PRDM16: variants seen among roughly 807,000 people sequenced by gnomAD.
The protein encoded by PRDM16 is histone-lysine N-methyltransferase PRDM16.
In PRDM16, 23 loss-of-function variants were observed where a neutral mutation model predicts 110.6. The ratio of observed to expected loss-of-function variants is 0.21; its 90% CI spans 0.15 to 0.29. The LOEUF is 0.29. PRDM16 is among the 10% of genes least tolerant of loss of function. The probability of loss-of-function intolerance (pLI) is 1.00; values close to 1 mark genes in which losing one functional copy is unlikely to be tolerated. For missense variants in PRDM16, 1,615 were observed against 1,794.3 expected, an observed-to-expected ratio of 0.90 and a Z score of 1.81; for synonymous variants, 799 against 781.8, an observed-to-expected ratio of 1.02 and a Z score of -0.37.
At chr1:3,225,901 G>A (rs1639278957) in intron 2 of PRDM16, among the ~76,000 whole-genome samples, 1 of 152,240 alleles carries the variant, frequency 6.6e-6, no homozygotes, top group African/African-American at 2.4e-5. Context: ...ATGCTCCAAT[G>A]CAAGGCCATC....
rs1188315582 is a variant in PRDM16 at position 3,256,636 on chromosome 1, A to T, written c.438+12499A>T. On this transcript the variant is annotated intron_variant, in intron 3 of 16. Coordinates refer to ENST00000270722, the MANE Select transcript of PRDM16 (RefSeq NM_022114.4). Reference sequence around the variant, plus strand: ...CACTTTGGGAGGCCGAGGCAGGCGGATCATGAGGTCAGGAGATCAAGACCA... The same window carrying T: ...CACTTTGGGAGGCCGAGGCAGGCGGTTCATGAGGTCAGGAGATCAAGACCA... 5.3e-5 allele frequency among the ~76,000 whole-genome samples: 8 copies of T among 152,134 alleles called. No homozygotes were observed. In the East Asian group the frequency reaches 1.5e-3, roughly 29 times the overall value.
intron 1 of PRDM16, among the ~76,000 whole-genome samples, chr1:3,141,929 C>T (rs574454369): frequency 2.0e-5 from 3 of 152,366 alleles, no homozygotes; most frequent in Non-Finnish European, 2.9e-5. Context: ...GGATTTTTAC[C>T]TTTTCTGGCC....
intron 1 of PRDM16, among the ~76,000 whole-genome samples, chr1:3,149,103 G>T (rs938478053): frequency 6.6e-6 from 1 of 152,214 alleles, no homozygotes; most frequent in Admixed American, 6.5e-5. Context: ...GGCAAGCTGG[G>T]AGAGATGGAA....
chr1:3,174,117 G>A (rs545818010), intron 1 of PRDM16, among the ~76,000 whole-genome samples: 1 of 152,280 alleles, frequency 6.6e-6, no homozygotes, highest in South Asian at 2.1e-4. Context: ...CCCTCTGGAG[G>A]TCCTAGGGGA....
chr1:3,299,433 G>A (rs1641162801), intron 3 of PRDM16, among the ~76,000 whole-genome samples: 1 of 102,646 alleles, frequency 9.7e-6, no homozygotes, highest in Non-Finnish European at 2.2e-5. Context: ...TGATGTTTCC[G>A]ATCCCAGTCG....
chr1:3,334,652 T>A (rs1037055852), intron 3 of PRDM16, among the ~76,000 whole-genome samples: 7 of 152,198 alleles, frequency 4.6e-5, no homozygotes, highest in Non-Finnish European at 1.0e-4. Flanking sequence ...CAGGGCTTCC[T>A]AGAGACCACG....
intron 5 of PRDM16, among the ~76,000 whole-genome samples, chr1:3,401,160 C>T (rs1643461594): frequency 6.6e-6 from 1 of 152,176 alleles, no homozygotes; most frequent in Admixed American, 6.5e-5. Flanking sequence ...TTCCAGTCAG[C>T]AAGGAGGTGC....
At chr1:3,314,249 G>A (rs927981581) in intron 3 of PRDM16, among the ~76,000 whole-genome samples, 1 of 152,164 alleles carries the variant, frequency 6.6e-6, no homozygotes, top group Non-Finnish European at 1.5e-5. Flanking sequence ...TGTCTGGGTG[G>A]CAGTTTAGAG....
In PRDM16 at chr1:3,303,101, A is replaced by G. The variant is rs1280388268; in HGVS notation, c.438+58964A>G. Among the ~76,000 whole-genome samples the G allele has an allele frequency of 3.3e-5, 5 of 152,180 alleles. No homozygotes were observed. In the South Asian group the frequency reaches 6.2e-4, roughly 19 times the overall value. On this transcript the variant is annotated intron_variant, in intron 3 of 16. Transcript: ENST00000270722. ...TTTACTGAGACGTAATTCACATACC[A>G]TATAATTTTCCCTTTGGAAGTGTTA... is the stretch of plus-strand genomic sequence containing the variant.
chr1:3,256,510 A>C (rs1413851933), intron 3 of PRDM16, among the ~76,000 whole-genome samples: 1 of 152,194 alleles, frequency 6.6e-6, no homozygotes, highest in African/African-American at 2.4e-5. Context: ...GAATGAGTCA[A>C]GGGGAACAAT....
intron 2 of PRDM16, among the ~76,000 whole-genome samples, chr1:3,189,546 C>T (rs1270819472): frequency 2.6e-5 from 4 of 152,272 alleles, no homozygotes; most frequent in Non-Finnish European, 5.9e-5. Context: ...TAATTGTTCA[C>T]TTTCACACTG....
intron 1 of PRDM16, among the ~76,000 whole-genome samples, chr1:3,131,537 A>T (rs912291228): frequency 6.6e-6 from 1 of 152,256 alleles, no homozygotes; most frequent in Non-Finnish European, 1.5e-5. Context: ...AAAAAAATCA[A>T]GTGGACATAA....
chr1:3,207,551 G>A (rs1638781819), intron 2 of PRDM16: 1 of 152,268 alleles, frequency 6.6e-6, no homozygotes, highest in African/African-American at 2.4e-5. Context: ...GCCTCTTCTT[G>A]CCCTGTGCAC....
chr1:3,191,963 G>A (rs1037974646), intron 2 of PRDM16, among the ~76,000 whole-genome samples: 13 of 152,186 alleles, frequency 8.5e-5, no homozygotes, highest in African/African-American at 2.7e-4. Flanking sequence ...GGTTCAGTCC[G>A]ATGGCAGGAG....
chr1:3,309,369 C>T (rs74048213), intron 3 of PRDM16: 4,340 of 152,336 alleles, frequency 0.028, 232 homozygotes, highest in African/African-American at 0.099. Flanking sequence ...AAATTCTTCC[C>T]GGGATGCGAG....
intron 1 of PRDM16, among the ~76,000 whole-genome samples, chr1:3,164,146 C>A (rs1178030894): frequency 6.6e-6 from 1 of 152,270 alleles, no homozygotes; most frequent in Admixed American, 6.5e-5. Context: ...TCATGAATTA[C>A]ACACCATGCA....
chr1:3,189,997 T>TA (rs1383456205), intron 2 of PRDM16, among the ~76,000 whole-genome samples: 6 of 152,234 alleles, frequency 3.9e-5, no homozygotes, highest in Non-Finnish European at 7.3e-5. Flanking sequence ...TCTCTTTGTA[T>TA]AGCAAGAGAC....
intron 2 of PRDM16, among the ~76,000 whole-genome samples, chr1:3,212,654 G>A (rs956063004): frequency 7.4e-5 from 11 of 148,018 alleles, no homozygotes; most frequent in African/African-American, 2.3e-4. Context: ...CCCTCGCTGC[G>A]GTCCTCCCGC....
chr1:3,293,702 T>C (rs1181252154), intron 3 of PRDM16, among the ~76,000 whole-genome samples: 1 of 152,182 alleles, frequency 6.6e-6, no homozygotes, highest in African/African-American at 2.4e-5. Flanking sequence ...GTTAAGAGCT[T>C]GTTGAGCAGG....
Sources: gnomAD v4.1 joint callset for allele counts (sites outside exome capture counted in the v4.1 genomes callset) on GRCh38, gnomAD v4.1.1 for gene constraint, MANE v1.5 for transcripts, NCBI Gene and HGNC (gene_info 2026-07-23, HGNC 2026-07-21) for gene names.